Variants in GAS7 observed in about 807,000 individuals in gnomAD.
GAS7 encodes growth arrest-specific protein 7.
GAS7 carries 28 observed loss-of-function variants against 71.1 expected under a neutral mutation model. The observed-to-expected ratio is 0.39, with a 90% CI of 0.29 to 0.54. The LOEUF (loss-of-function observed/expected upper bound fraction) is 0.54, where lower values mean the gene tolerates loss of function less well. GAS7 is among the 20% of genes least tolerant of loss of function. GAS7 has a pLI of 0.62. For missense variants in GAS7, 436 were observed against 627.8 expected (o/e 0.69, Z 3.27); for synonymous variants, 258 against 245.8 (o/e 1.05, Z -0.46).
intron 1 of GAS7, among the ~76,000 whole-genome samples, chr17:10,177,701 T>C (rs895293628): frequency 7.9e-5 from 12 of 152,182 alleles, no homozygotes; most frequent in Non-Finnish European, 1.6e-4. Flanking sequence ...GCTGCCTGTC[T>C]GCACCGTAAC....
chr17:10,008,899 T>C (rs1208996675), intron 2 of GAS7, among the ~76,000 whole-genome samples: 5 of 151,956 alleles, frequency 3.3e-5, no homozygotes, highest in African/African-American at 9.7e-5. Context: ...CAGAAAAAAA[T>C]AGATGTATGT....
intron 1 of GAS7, among the ~76,000 whole-genome samples, chr17:10,193,360 T>C (rs1007448906): frequency 1.3e-5 from 2 of 151,900 alleles, no homozygotes; most frequent in Admixed American, 1.3e-4. Context: ...CTCATCAGTC[T>C]GGCCCAGCAC....
intron 1 of GAS7, among the ~76,000 whole-genome samples, chr17:10,062,257 G>C (rs1220323741): frequency 6.6e-6 from 1 of 152,234 alleles, no homozygotes; most frequent in African/African-American, 2.4e-5. Flanking sequence ...GGCCAAGGCG[G>C]GTGGATTACT....
At chr17:9,934,501 G>C (rs547513862) in intron 8 of GAS7, among the ~76,000 whole-genome samples, 6 of 152,116 alleles carry the variant, frequency 3.9e-5, no homozygotes, top group South Asian at 2.1e-4. Context: ...CAAGAGGTGG[G>C]GGGGGTGGGG....
chr17:10,116,532 GT>G (rs1250674305), intron 1 of GAS7, among the ~76,000 whole-genome samples: 1 of 152,118 alleles, frequency 6.6e-6, no homozygotes, highest in Non-Finnish European at 1.5e-5. Context: ...CTCAGGAAAG[GT>G]GACCAGCAGA....
At chr17:10,050,524 T>C (rs903054862) in intron 1 of GAS7, among the ~76,000 whole-genome samples, 1 of 151,990 alleles carries the variant, frequency 6.6e-6, no homozygotes, top group Non-Finnish European at 1.5e-5. Context: ...GTCACCCCCA[T>C]GACTAGAGGG....
At position 10,132,625 on chromosome 17, in the gene GAS7, G is replaced by A. The variant is rs76155109; in HGVS notation, c.183+65583C>T. On this transcript the variant is annotated intron_variant, in intron 1 of 13. Transcript: ENST00000432992. The stretch of plus-strand genomic sequence containing the variant: ...TACTAAAAATACAAAAAAATTATCC[G>A]GGTATGGTGGTGCGCGCCTGTAGTC... Among the ~76,000 whole-genome samples, 692 of 152,144 alleles carry A rather than the reference G, an allele frequency of 4.5e-3. 5 individuals carry two copies. The highest frequency in any genetic ancestry group is 0.016 in the African/African-American group (655 of 41,502).
At chr17:10,106,600 A>G (rs1195764857) in intron 1 of GAS7, among the ~76,000 whole-genome samples, 3 of 152,012 alleles carry the variant, frequency 2.0e-5, no homozygotes, top group Admixed American at 1.3e-4. Flanking sequence ...GAATAGCTCA[A>G]CCTCTCTTCA....
rs148341516 is a variant in GAS7 at position 10,139,220 on chromosome 17, C to T, written c.183+58988G>A. ...CTATTTATTAGCAACATTCTGGAAC[C>T]ATGTATCATCTATAACCAATTTTAA... On this transcript the variant is annotated intron_variant, in intron 1 of 13. Coordinates refer to ENST00000432992, the MANE Select transcript of GAS7 (RefSeq NM_201433.2). 2.0e-5 allele frequency among the ~76,000 whole-genome samples: 3 copies of T among 152,316 alleles called. No individual in the cohort carries two copies. The East Asian group carries it at 5.8e-4, about 29-fold the overall frequency.
chr17:9,979,479 G>C (rs1011756087), intron 3 of GAS7, among the ~76,000 whole-genome samples: 8 of 152,216 alleles, frequency 5.3e-5, no homozygotes, highest in Admixed American at 5.2e-4. Context: ...GGGTAAAGAA[G>C]GGAGCCTGTT....
chr17:9,970,675 C>G (rs1432187274), intron 3 of GAS7, among the ~76,000 whole-genome samples: 2 of 152,050 alleles, frequency 1.3e-5, no homozygotes, highest in Non-Finnish European at 2.9e-5. Flanking sequence ...TTATCTGAGG[C>G]TCTAAAATTC....
intron 1 of GAS7, chr17:10,027,065 T>G (rs2072482031): frequency 6.6e-6 from 1 of 152,144 alleles, no homozygotes; most frequent in African/African-American, 2.4e-5. Context: ...AGAGTCTTCA[T>G]TTTCTTCTAA....
At chr17:10,178,063 C>T (rs564006086) in intron 1 of GAS7, among the ~76,000 whole-genome samples, 4 of 152,160 alleles carry the variant, frequency 2.6e-5, no homozygotes, top group African/African-American at 9.6e-5. Flanking sequence ...CCTACAGAGC[C>T]GGAGGGATTC....
chr17:9,934,798 C>T (rs1474126057), intron 8 of GAS7, among the ~76,000 whole-genome samples: 13 of 152,316 alleles, frequency 8.5e-5, no homozygotes, highest in South Asian at 8.3e-4. Flanking sequence ...TACAATGGCG[C>T]GATCTTGGCT....
intron 1 of GAS7, among the ~76,000 whole-genome samples, chr17:10,062,415 G>A (rs2073229728): frequency 1.3e-5 from 2 of 152,194 alleles, no homozygotes; most frequent in African/African-American, 4.8e-5. Context: ...AACCCGGGAG[G>A]TGGAGGTTGC....
intron 2 of GAS7, among the ~76,000 whole-genome samples, chr17:10,005,058 T>C (rs190248541): frequency 5.6e-5 from 8 of 143,422 alleles, no homozygotes; most frequent in African/African-American, 8.5e-5. Context: ...TATACACATA[T>C]ATGTGTGTAT....
chr17:10,078,612 G>A (rs1420351922), intron 1 of GAS7, among the ~76,000 whole-genome samples: 3 of 152,172 alleles, frequency 2.0e-5, no homozygotes, highest in Non-Finnish European at 4.4e-5. Flanking sequence ...CATTGTGGGA[G>A]GTGAGGGAAG....
chr17:10,138,762 G>A lies in GAS7; in HGVS notation c.183+59446C>T, dbSNP rs566306399. On this transcript the variant is annotated intron_variant, in intron 1 of 13. Coordinates refer to ENST00000432992, the MANE Select transcript of GAS7 (RefSeq NM_201433.2). Reference sequence around the variant, plus strand: ...AGCCTGGGCGACACAGAGAGACTCCGTCTCAAAAAAAAACAAAAACAAAAC... The same window carrying A: ...AGCCTGGGCGACACAGAGAGACTCCATCTCAAAAAAAAACAAAAACAAAAC... Among the ~76,000 whole-genome samples, 14 of 151,720 alleles carry A rather than the reference G, an allele frequency of 9.2e-5. 1 individual carries two copies. In the South Asian group the frequency reaches 2.3e-3, roughly 25 times the overall value.
At chr17:10,158,785 T>C (rs1163675772) in intron 1 of GAS7, among the ~76,000 whole-genome samples, 2 of 151,432 alleles carry the variant, frequency 1.3e-5, no homozygotes, top group African/African-American at 2.4e-5. Context: ...CCAAGCACAG[T>C]GGGGCACACC....
Sources: gnomAD v4.1 joint callset for allele counts (sites outside exome capture counted in the v4.1 genomes callset) on GRCh38, gnomAD v4.1.1 for gene constraint, MANE v1.5 for transcripts, NCBI Gene and HGNC (gene_info 2026-07-23, HGNC 2026-07-21) for gene names.